The following PALLD variants were observed in gnomAD, a reference collection of about 807,000 sequenced individuals.
PALLD encodes palladin, cytoskeletal associated protein, also known as palladin.
PALLD carries 61 observed loss-of-function variants against 123.5 expected under a neutral mutation model. The observed-to-expected ratio is 0.49, with a 90% CI of 0.40 to 0.61. PALLD has a LOEUF of 0.61. PALLD is among the 20% of genes least tolerant of loss of function. PALLD has a pLI of 0.00. For missense variants in PALLD, 1,273 were observed against 1,377.0 expected (o/e 0.92, Z 1.20); for synonymous variants, 465 against 496.4 (o/e 0.94, Z 0.84).
chr4:168,598,218 C>T (rs372972906), intron 2 of PALLD: 298 of 375,100 alleles, frequency 7.9e-4, no homozygotes, highest in Non-Finnish European at 1.3e-3. Flanking sequence ...TCCATGCCAG[C>T]CTCCAAACAC....
intron 14 of PALLD, 29 bp from the exon 15 acceptor site, chr4:168,903,727 CT>C: frequency 6.3e-7 from 1 of 1,590,704 alleles, no homozygotes; most frequent in South Asian, 1.1e-5. Context: ...ACACAAACTC[CT>C]AATCTTTAAT....
At chr4:168,781,531 G>A (rs537103671) in intron 10 of PALLD, among the ~76,000 whole-genome samples, 2 of 152,342 alleles carry the variant, frequency 1.3e-5, no homozygotes, top group South Asian at 4.1e-4. Context: ...GCATGTTGCA[G>A]TGACATGATG....
intron 10 of PALLD, among the ~76,000 whole-genome samples, chr4:168,726,080 C>G (rs1786554454): frequency 6.6e-6 from 1 of 152,140 alleles, no homozygotes; most frequent in South Asian, 2.1e-4. Flanking sequence ...ATGAAGCATT[C>G]TAGAACAACA....
intron 15 of PALLD, among the ~76,000 whole-genome samples, chr4:168,905,812 T>G (rs1384528757): frequency 1.2e-5 from 1 of 83,322 alleles, no homozygotes; most frequent in Non-Finnish European, 2.7e-5. Flanking sequence ...TTTTTTTTTC[T>G]TTTTTGAGAC....
chr4:168,766,237 G>A (rs1317013386), intron 10 of PALLD, among the ~76,000 whole-genome samples: 5 of 152,166 alleles, frequency 3.3e-5, no homozygotes, highest in Admixed American at 1.3e-4. Context: ...TTTTTTGTAT[G>A]CCTAGTTTGC....
At chr4:168,772,658 G>C (rs1462060559) in intron 10 of PALLD, among the ~76,000 whole-genome samples, 5 of 152,120 alleles carry the variant, frequency 3.3e-5, no homozygotes, top group Non-Finnish European at 5.9e-5. Context: ...TGCCCTCTTT[G>C]CATAAATGTG....
intron 2 of PALLD, among the ~76,000 whole-genome samples, chr4:168,599,971 A>G (rs1280574771): frequency 1.3e-5 from 2 of 151,652 alleles, no homozygotes; most frequent in African/African-American, 4.8e-5. Flanking sequence ...TTGTATACAC[A>G]CACATATATA....
chr4:168,879,584 C>T (rs1752337932), intron 10 of PALLD, among the ~76,000 whole-genome samples: 1 of 152,158 alleles, frequency 6.6e-6, no homozygotes, highest in South Asian at 2.1e-4. Context: ...ACACTAATGC[C>T]ACCTTAAAGG....
At chr4:168,641,773 C>A (rs538565910) in intron 2 of PALLD, among the ~76,000 whole-genome samples, 1 of 152,144 alleles carries the variant, frequency 6.6e-6, no homozygotes, top group Non-Finnish European at 1.5e-5. Context: ...GGGGAACTTT[C>A]TACTCCCGTG....
chr4:168,511,502 AAT>A lies in PALLD; in HGVS notation c.1_2del, dbSNP rs772784249. ...ACACAGAGTGCATGAAGACCGTTCA[AAT>A]ATGTCAGGGACCTCCTCCCATGAGT... On this transcript the variant is annotated 5_prime_UTR_variant, in exon 2 of 22. Transcript: ENST00000505667. The A allele has an allele frequency of 1.2e-6, 2 of 1,612,670 alleles. No individual in the cohort carries two copies. Among genetic ancestry groups the A allele is most frequent in the Non-Finnish European group, 1.7e-6 (2 of 1,178,830 alleles).
chr4:168,861,385 A>T (rs967549009), intron 10 of PALLD, among the ~76,000 whole-genome samples: 1 of 152,156 alleles, frequency 6.6e-6, no homozygotes, highest in Non-Finnish European at 1.5e-5. Context: ...AAATGGTAAC[A>T]GTATTTGGTT....
At chr4:168,712,827 G>A (rs984039980) in intron 10 of PALLD, among the ~76,000 whole-genome samples, 1 of 152,054 alleles carries the variant, frequency 6.6e-6, no homozygotes, top group Non-Finnish European at 1.5e-5. Flanking sequence ...GGCAGGAAGG[G>A]CTTCTTTAGG....
chr4:168,727,699 G>T, intron 10 of PALLD, among the ~76,000 whole-genome samples: 1 of 152,092 alleles, frequency 6.6e-6, no homozygotes, highest in East Asian at 1.9e-4. Flanking sequence ...CTGTACAGAA[G>T]TTCTTTAGTT....
chr4:168,908,161 G>A (rs1758198273), intron 15 of PALLD, among the ~76,000 whole-genome samples: 1 of 152,148 alleles, frequency 6.6e-6, no homozygotes, highest in Admixed American at 6.6e-5. Context: ...AATTCCAAGA[G>A]TAAAACCCCT....
chr4:168,573,668 A>T (rs1375678921), intron 2 of PALLD, among the ~76,000 whole-genome samples: 1 of 152,164 alleles, frequency 6.6e-6, no homozygotes, highest in Non-Finnish European at 1.5e-5. Context: ...GAACCATCTC[A>T]GGCTGAGAGG....
At chr4:168,922,139 A>C (rs1294319398) in intron 18 of PALLD, among the ~76,000 whole-genome samples, 2 of 127,454 alleles carry the variant, frequency 1.6e-5, no homozygotes. Context: ...ACACACACAC[A>C]CACACCTGGT....
intron 2 of PALLD, among the ~76,000 whole-genome samples, chr4:168,550,086 G>A (rs1337916819): frequency 6.6e-6 from 1 of 152,080 alleles, no homozygotes; most frequent in African/African-American, 2.4e-5. Flanking sequence ...GGAAATTAAT[G>A]CCAGGTTCAT....
At chr4:168,785,846 GAT>G (rs6148775) in intron 10 of PALLD, among the ~76,000 whole-genome samples, 4,215 of 80,826 alleles carry the variant, frequency 0.052, 291 homozygotes, top group East Asian at 0.14. Flanking sequence ...AAACTGTAGA[GAT>G]ATATATATAT....
chr4:168,638,825 G>C (rs1489082049), intron 2 of PALLD, among the ~76,000 whole-genome samples: 1 of 151,832 alleles, frequency 6.6e-6, no homozygotes, highest in East Asian at 1.9e-4. Context: ...GAATTTGGGA[G>C]GGGGGGCGGG....
Sources: allele counts gnomAD v4.1 joint callset (sites outside exome capture counted in the v4.1 genomes callset), GRCh38; gene constraint gnomAD v4.1.1; transcripts MANE v1.5; gene names NCBI Gene and HGNC (gene_info 2026-07-23, HGNC 2026-07-21).